Variants in EGFLAM observed in about 807,000 individuals in gnomAD.
The protein encoded by EGFLAM is pikachurin.
A neutral mutation model predicts 113.1 loss-of-function variants in EGFLAM; 79 were observed. That is an observed-to-expected ratio of 0.70 (90% CI 0.58 to 0.84). The LOEUF (loss-of-function observed/expected upper bound fraction) is 0.84. Ranked by LOEUF, EGFLAM falls within the 40% of genes least tolerant of loss-of-function variation. The pLI, the probability that EGFLAM is intolerant of heterozygous loss-of-function variation, is 0.00. For synonymous variants in EGFLAM, 504 were observed against 487.6 expected (o/e 1.03, Z -0.44); for missense variants, 1,265 against 1,291.6 (o/e 0.98, Z 0.32).
chr5:38,360,819 A>ATTAC (rs1739899973), intron 5 of EGFLAM, among the ~76,000 whole-genome samples: 1 of 141,820 alleles, frequency 7.1e-6, no homozygotes, highest in African/African-American at 2.7e-5. Context: ...GTGTTTTGAA[A>ATTAC]TTATTTATTT....
intron 5 of EGFLAM, among the ~76,000 whole-genome samples, chr5:38,359,491 A>T (rs1316042617): frequency 6.6e-6 from 1 of 152,202 alleles, no homozygotes; most frequent in Non-Finnish European, 1.5e-5. Flanking sequence ...CCTTGCCAAC[A>T]TGGTGAAACC....
chr5:38,356,705 A>C (rs1739770715), intron 5 of EGFLAM, among the ~76,000 whole-genome samples: 2 of 152,170 alleles, frequency 1.3e-5, no homozygotes, highest in Non-Finnish European at 2.9e-5. Flanking sequence ...TCCTGAAAGA[A>C]AGCCTCCACA....
intron 6 of EGFLAM, among the ~76,000 whole-genome samples, chr5:38,404,804 G>A (rs1741227321): frequency 6.6e-6 from 1 of 152,274 alleles, no homozygotes; most frequent in South Asian, 2.1e-4. Flanking sequence ...TAATACCTGT[G>A]CTGGCCCAAA....
intron 5 of EGFLAM, among the ~76,000 whole-genome samples, chr5:38,366,909 C>G (rs1182164663): frequency 6.6e-6 from 1 of 152,160 alleles, no homozygotes; most frequent in Non-Finnish European, 1.5e-5. Context: ...TCTAACAATG[C>G]CAATGGTAAG....
At chr5:38,285,221 T>C (rs138571774) in intron 1 of EGFLAM, among the ~76,000 whole-genome samples, 7 of 152,348 alleles carry the variant, frequency 4.6e-5, no homozygotes, top group African/African-American at 1.7e-4. Context: ...CCCCAGTGCA[T>C]GATCAAAGTG....
At chr5:38,367,404 G>A (rs1423630465) in intron 5 of EGFLAM, among the ~76,000 whole-genome samples, 1 of 150,618 alleles carries the variant, frequency 6.6e-6, no homozygotes, top group East Asian at 2.0e-4. Flanking sequence ...GCACAACCAT[G>A]CTGGCTAATT....
At chr5:38,310,827 C>G (rs942433552) in intron 1 of EGFLAM, among the ~76,000 whole-genome samples, 1 of 152,154 alleles carries the variant, frequency 6.6e-6, no homozygotes, top group South Asian at 2.1e-4. Context: ...GGCCAATAAA[C>G]TCTTTCCTTG....
intron 3 of EGFLAM, among the ~76,000 whole-genome samples, chr5:38,342,470 G>C (rs1739361206): frequency 1.3e-5 from 2 of 152,122 alleles, no homozygotes; most frequent in South Asian, 4.1e-4. Context: ...TGCTAAACCG[G>C]GGAGTGGGTT....
chr5:38,334,954 G>A (rs963445573), intron 1 of EGFLAM, among the ~76,000 whole-genome samples: 3 of 152,148 alleles, frequency 2.0e-5, no homozygotes, highest in Admixed American at 6.5e-5. Context: ...TAGTTTTCAC[G>A]ACGGGTTGGG....
chr5:38,427,870 G>C (rs1742067159), intron 14 of EGFLAM, among the ~76,000 whole-genome samples: 1 of 152,130 alleles, frequency 6.6e-6, no homozygotes, highest in Non-Finnish European at 1.5e-5. Flanking sequence ...AGTACTTGCT[G>C]GTATTTGCAG....
chr5:38,338,620 A>T (rs1002503965), intron 2 of EGFLAM, 78 bp from the exon 3 acceptor site: 2 of 1,352,464 alleles, frequency 1.5e-6, no homozygotes, highest in Non-Finnish European at 1.1e-6. Context: ...GCCTGCTGCC[A>T]CTGTGAGTGC....
At chr5:38,323,221 T>C (rs569090669) in intron 1 of EGFLAM, among the ~76,000 whole-genome samples, 28 of 152,250 alleles carry the variant, frequency 1.8e-4, no homozygotes, top group Non-Finnish European at 3.4e-4. Flanking sequence ...GAAGTGTTTT[T>C]ATGAATTGGA....
At chr5:38,369,148 C>T (rs1018991013) in intron 5 of EGFLAM, among the ~76,000 whole-genome samples, 7 of 152,266 alleles carry the variant, frequency 4.6e-5, no homozygotes, top group East Asian at 3.9e-4. Context: ...AGAAATACAA[C>T]GCCAGCCTAT....
intron 5 of EGFLAM, among the ~76,000 whole-genome samples, chr5:38,366,092 C>T (rs1740052080): frequency 1.3e-5 from 2 of 152,154 alleles, no homozygotes; most frequent in African/African-American, 4.8e-5. Flanking sequence ...TTGTCTGTCT[C>T]TTATGTAAAG....
chr5:38,390,131 G>A (rs753947713), intron 6 of EGFLAM, among the ~76,000 whole-genome samples: 10 of 151,978 alleles, frequency 6.6e-5, no homozygotes, highest in Admixed American at 2.6e-4. Flanking sequence ...TTCCCTTCCC[G>A]CTTCCTGAGG....
intron 19 of EGFLAM, among the ~76,000 whole-genome samples, chr5:38,454,100 C>T (rs533431493): frequency 9.8e-5 from 15 of 152,300 alleles, no homozygotes; most frequent in South Asian, 6.2e-4. Flanking sequence ...GTCCTGGAGC[C>T]GCCCCATTGC....
chr5:38,347,927 A>G (rs1475266651), intron 3 of EGFLAM, among the ~76,000 whole-genome samples: 1 of 152,130 alleles, frequency 6.6e-6, no homozygotes, highest in African/African-American at 2.4e-5. Flanking sequence ...ATGAAATGAC[A>G]GAAACACATT....
At chr5:38,440,288 T>G (rs2112232133) in intron 17 of EGFLAM, among the ~76,000 whole-genome samples, 1 of 152,312 alleles carries the variant, frequency 6.6e-6, no homozygotes, top group South Asian at 2.1e-4. Context: ...ATCAAGATAC[T>G]GCTTCTGGGA....
chr5:38,426,513 T>C (rs1181606532), intron 13 of EGFLAM, among the ~76,000 whole-genome samples: 1 of 152,210 alleles, frequency 6.6e-6, no homozygotes, highest in Non-Finnish European at 1.5e-5. Context: ...TTTTGTGATC[T>C]CAAATCTCAT....
Sources: allele counts gnomAD v4.1 joint callset (sites outside exome capture counted in the v4.1 genomes callset), GRCh38; gene constraint gnomAD v4.1.1; transcripts MANE v1.5; gene names NCBI Gene and HGNC (gene_info 2026-07-23, HGNC 2026-07-21).